PPARGC1B: variants seen among roughly 807,000 people sequenced by gnomAD.
PPARGC1B encodes the protein PPARG coactivator 1 beta, also known as peroxisome proliferator-activated receptor gamma coactivator 1-beta.
PPARGC1B carries 34 observed loss-of-function variants against 101.6 expected under a neutral mutation model. The observed-to-expected ratio is 0.33, with a 90% CI of 0.25 to 0.45. The LOEUF (loss-of-function observed/expected upper bound fraction) is 0.45. Among genes scored for constraint, PPARGC1B ranks in the 20% least tolerant of loss-of-function variants. PPARGC1B has a pLI of 1.00. For missense variants in PPARGC1B, 1,234 were observed against 1,317.6 expected, an observed-to-expected ratio of 0.94 and a Z score of 0.98; for synonymous variants, 548 against 539.3, an observed-to-expected ratio of 1.02 and a Z score of -0.22.
chr5:149,833,322 A>G lies in PPARGC1B; in HGVS notation c.1249A>G (p.Lys417Glu). ...PSLRPLRLEV[K>E]REVRRPARLQ... is the part of the protein sequence containing the mutation. Reference sequence around the variant, plus strand: ...CCTGCGCCCACTGCGGCTGGAGGTGAAAAGGGAGGTCCGCCGGCCTGCCAG... The same window carrying G: ...CCTGCGCCCACTGCGGCTGGAGGTGGAAAGGGAGGTCCGCCGGCCTGCCAG... The change falls in exon 5 of 12, where the codon AAA becomes GAA. Residue 417 changes from lysine to glutamate, a missense_variant. Lys to Glu is a moderately conservative substitution (Grantham distance 56). Coordinates refer to ENST00000309241, the MANE Select transcript of PPARGC1B (RefSeq NM_133263.4). The surrounding 1 kb of genome is among the most constrained non-coding windows in gnomAD (Gnocchi z 4.1). The G allele has an allele frequency of 6.2e-7, 1 of 1,613,376 alleles. No homozygotes were observed. Among genetic ancestry groups the G allele is most frequent in the South Asian group, 1.1e-5 (1 of 91,068 alleles).
In PPARGC1B at chr5:149,834,657, CTG is replaced by C; in HGVS notation, c.1706-13_1706-12del. On this transcript the variant is annotated splice_polypyrimidine_tract_variant and intron_variant, in intron 5 of 11. Transcript: ENST00000309241. ...TACCATATTGGGGAATCTTATTTTT[CTG>C]TGTCTTCTTTTCAGACTCTCCCAGG... is the stretch of plus-strand genomic sequence containing the variant. 1.2e-6 allele frequency: 2 copies of C among 1,612,302 alleles called. No homozygotes were observed. The highest frequency in any genetic ancestry group is 1.7e-6 in the Non-Finnish European group (2 of 1,178,442).
At chr5:149,823,468 C>G (rs979639505) in intron 2 of PPARGC1B, among the ~76,000 whole-genome samples, 4 of 152,162 alleles carry the variant, frequency 2.6e-5, no homozygotes, top group Admixed American at 2.6e-4. Flanking sequence ...CAAAATGAAG[C>G]CTTTTCCCTC....
intron 1 of PPARGC1B, among the ~76,000 whole-genome samples, chr5:149,780,499 G>A (rs1016441250): frequency 6.6e-6 from 1 of 152,182 alleles, no homozygotes. Flanking sequence ...TGAGAGGTTT[G>A]AACTAAAGGT....
At chr5:149,779,869 T>A (rs1268548714) in intron 1 of PPARGC1B, among the ~76,000 whole-genome samples, 1 of 152,104 alleles carries the variant, frequency 6.6e-6, no homozygotes, top group Non-Finnish European at 1.5e-5. Context: ...GGCTTAGTGC[T>A]CCATGATTGA....
At chr5:149,803,858 G>A (rs1227307536) in intron 1 of PPARGC1B, among the ~76,000 whole-genome samples, 2 of 152,238 alleles carry the variant, frequency 1.3e-5, no homozygotes, top group Non-Finnish European at 2.9e-5. Flanking sequence ...CTGTGGCTTA[G>A]GAGGCCAGCC....
chr5:149,783,868 C>G (rs1046709272), intron 1 of PPARGC1B, among the ~76,000 whole-genome samples: 1 of 152,040 alleles, frequency 6.6e-6, no homozygotes. Flanking sequence ...TCTTTATACC[C>G]CTTTATACCC....
intron 1 of PPARGC1B, among the ~76,000 whole-genome samples, chr5:149,764,375 C>T (rs1213051201): frequency 6.6e-6 from 1 of 152,116 alleles, no homozygotes. Flanking sequence ...AGGCTGGGCC[C>T]AAACATGAGG....
intron 1 of PPARGC1B, among the ~76,000 whole-genome samples, chr5:149,753,850 C>T (rs1031901025): frequency 5.3e-5 from 8 of 152,070 alleles, no homozygotes; most frequent in East Asian, 1.9e-4. Flanking sequence ...CCTGCCACCA[C>T]GCCCAGATAA....
chr5:149,750,453 AATATATATATATAT>A (rs55971526), intron 1 of PPARGC1B, among the ~76,000 whole-genome samples: 17,910 of 123,164 alleles, frequency 0.15, 1,780 homozygotes, highest in East Asian at 0.3. Context: ...TTTTAGTTAA[AATATATATATATAT>A]ATATATATAT....
chr5:149,801,428 C>T (rs145235922), intron 1 of PPARGC1B, among the ~76,000 whole-genome samples: 71 of 152,128 alleles, frequency 4.7e-4, no homozygotes, highest in African/African-American at 1.3e-3. Flanking sequence ...AAGCGTGTTC[C>T]GGGAGAGGGA....
intron 3 of PPARGC1B, among the ~76,000 whole-genome samples, chr5:149,830,136 G>T (rs965180585): frequency 6.6e-6 from 1 of 150,948 alleles, no homozygotes; most frequent in Non-Finnish European, 1.5e-5. Context: ...CTCATGATAG[G>T]TTCACCGAAA....
At chr5:149,772,444 C>G (rs925754500) in intron 1 of PPARGC1B, among the ~76,000 whole-genome samples, 1 of 152,120 alleles carries the variant, frequency 6.6e-6, no homozygotes. Flanking sequence ...GCTAGGGCTA[C>G]TGTAATAAAG....
intron 9 of PPARGC1B, among the ~76,000 whole-genome samples, chr5:149,841,067 G>C (rs988143686): frequency 3.9e-5 from 6 of 152,206 alleles, no homozygotes; most frequent in African/African-American, 1.4e-4. Flanking sequence ...GAACAGAAGG[G>C]AGAGAGAGAT....
intron 1 of PPARGC1B, among the ~76,000 whole-genome samples, chr5:149,749,979 C>T (rs1048100552): frequency 5.9e-5 from 9 of 152,188 alleles, no homozygotes; most frequent in African/African-American, 2.2e-4. Context: ...GAAACAGTCT[C>T]ATCGCAGATG....
intron 3 of PPARGC1B, among the ~76,000 whole-genome samples, chr5:149,827,764 A>T (rs1758588584): frequency 6.6e-6 from 1 of 152,236 alleles, no homozygotes; most frequent in Non-Finnish European, 1.5e-5. Context: ...GCAGCTTTCT[A>T]GGGAGAACAT....
chr5:149,763,526 G>GTTTTT (rs70973540), intron 1 of PPARGC1B, among the ~76,000 whole-genome samples: 8 of 67,676 alleles, frequency 1.2e-4, no homozygotes, highest in Non-Finnish European at 1.6e-4. Flanking sequence ...TTCACTCCTG[G>GTTTTT]TTTTTTTTTT....
In PPARGC1B at chr5:149,847,219, T is replaced by C. The variant is rs536805130; in HGVS notation, c.2972-239T>C. ...AGAAAGGCTCTGGAGTGCTCTAGTT[T>C]GGGCCTCCAGGTCTCTAGATAGGAC... is the stretch of plus-strand genomic sequence containing the variant. On this transcript the variant is annotated intron_variant, in intron 11 of 11. Transcript: ENST00000309241. 4.6e-6 allele frequency: 3 copies of C among 647,230 alleles called. No individual in the cohort carries two copies. The South Asian group carries it at 5.1e-5, about 11-fold the overall frequency. The allele number at this position is 647,230 out of a possible 1,614,324, so 40.1% of individuals were successfully genotyped here.
intron 8 of PPARGC1B, 75 bp from the exon 9 acceptor site, chr5:149,839,966 C>G: frequency 6.9e-7 from 1 of 1,444,946 alleles, no homozygotes; most frequent in Non-Finnish European, 9.7e-7. Context: ...TCCCTTGCGT[C>G]CTGGAGCAGA....
At chr5:149,812,855 T>C (rs1200195652) in intron 1 of PPARGC1B, among the ~76,000 whole-genome samples, 2 of 152,074 alleles carry the variant, frequency 1.3e-5, no homozygotes, top group Non-Finnish European at 2.9e-5. Context: ...TGCCTGGGGG[T>C]AAGGGAAGGT....
Sources: allele counts gnomAD v4.1 joint callset (sites outside exome capture counted in the v4.1 genomes callset), GRCh38; gene constraint gnomAD v4.1.1; non-coding constraint Gnocchi (gnomAD v3.1); transcripts MANE v1.5; gene names NCBI Gene and HGNC (gene_info 2026-07-23, HGNC 2026-07-21).